ZCCHC8: variants seen among roughly 807,000 people sequenced by gnomAD.
The protein encoded by ZCCHC8 is zinc finger CCHC domain-containing protein 8.
A neutral mutation model predicts 70.6 loss-of-function variants in ZCCHC8; 27 were observed. The observed-to-expected ratio is 0.38, with a 90% CI of 0.28 to 0.53. The LOEUF (loss-of-function observed/expected upper bound fraction) is 0.53. Ranked by LOEUF, ZCCHC8 falls within the 20% of genes least tolerant of loss-of-function variation. ZCCHC8 has a pLI of 0.81. For synonymous variants in ZCCHC8, 293 were observed against 317.4 expected, an observed-to-expected ratio of 0.92 and a Z score of 0.82; for missense variants, 737 against 876.9, an observed-to-expected ratio of 0.84 and a Z score of 2.01.
chr12:122,482,123 G>A, intron 8 of ZCCHC8, 36 bp from the exon 9 acceptor site: 1 of 1,550,462 alleles, frequency 6.4e-7, no homozygotes, highest in South Asian at 1.3e-5. Flanking sequence ...ATGGTTTCAT[G>A]CAACTCAGAA....
chr12:122,480,964 A>C (rs1404283145), intron 10 of ZCCHC8: 1 of 152,324 alleles, frequency 6.6e-6, no homozygotes, highest in Non-Finnish European at 1.5e-5. Flanking sequence ...ATGTCAGCTC[A>C]TACAGATTTA....
intron 7 of ZCCHC8, 96 bp from the exon 8 acceptor site, chr12:122,482,791 CAAG>C: frequency 1.0e-6 from 1 of 988,750 alleles, no homozygotes; most frequent in Non-Finnish European, 1.5e-6. Flanking sequence ...ATCAGAGAGA[CAAG>C]AAAGCAAGTT....
At chr12:122,482,176 T>G in intron 8 of ZCCHC8, 89 bp from the exon 9 acceptor site, 2 of 1,352,110 alleles carry the variant, frequency 1.5e-6, no homozygotes, top group Non-Finnish European at 2.0e-6. Context: ...TTAGATCAAG[T>G]AAACAGATTA....
intron 13 of ZCCHC8, among the ~76,000 whole-genome samples, chr12:122,475,518 CA>C (rs1174147961): frequency 6.6e-6 from 1 of 152,214 alleles, no homozygotes; most frequent in Non-Finnish European, 1.5e-5. Context: ...ATGGCACCAC[CA>C]GTGGATCTGC....
chr12:122,498,291 C>G (rs1429370510), intron 2 of ZCCHC8, among the ~76,000 whole-genome samples: 1 of 151,756 alleles, frequency 6.6e-6, no homozygotes, highest in Non-Finnish European at 1.5e-5. Flanking sequence ...CCCACCACGT[C>G]CAGCTTATTT....
Position 122,473,718 on chromosome 12 carries a change from T to C in ZCCHC8, c.1903A>G (p.Ile635Val). ...DNGSVVPNCDISNGGSQKLFP... is the reference protein window; with the variant it reads ...DNGSVVPNCDVSNGGSQKLFP... ...AGCTTCTGGCTGCCCCCATTGCTGA[T>C]GTCACAGTTTGGTACGACACTGCCA... Residue 635 changes from isoleucine to valine, a missense_variant, in exon 14 of 14, where the codon ATC becomes GTC. Coordinates refer to ENST00000633063, the MANE Select transcript of ZCCHC8 (RefSeq NM_017612.5). 6.2e-7 allele frequency: 1 copy of C among 1,614,012 alleles called. No homozygotes were observed. Among genetic ancestry groups the C allele is most frequent in the Non-Finnish European group, 8.5e-7 (1 of 1,179,892 alleles).
Position 122,494,715 on chromosome 12 carries a change from C to T in ZCCHC8, c.243-1926G>A, listed in dbSNP as rs181528010. ...CCAAAAATACAAAAAATTAGCCAGG[C>T]GTGGCGGCACGCGCCTGTAGTCCCA... On this transcript the variant is annotated intron_variant, in intron 2 of 13. Coordinates refer to ENST00000633063, the MANE Select transcript of ZCCHC8 (RefSeq NM_017612.5). 3.5e-4 allele frequency among the ~76,000 whole-genome samples: 53 copies of T among 152,250 alleles called. No individual in the cohort carries two copies. In the East Asian group the frequency reaches 7.3e-3, roughly 21 times the overall value.
chr12:122,474,778 AGGCTG>A (rs374283863), intron 13 of ZCCHC8, among the ~76,000 whole-genome samples: 50,566 of 138,412 alleles, frequency 0.37, 10,660 homozygotes, highest in Non-Finnish European at 0.45. Context: ...TCTGCCACCC[AGGCTG>A]GAGTGCAGTG....
intron 5 of ZCCHC8, among the ~76,000 whole-genome samples, chr12:122,487,800 T>G (rs1043535667): frequency 9.9e-5 from 15 of 152,196 alleles, no homozygotes; most frequent in Admixed American, 6.5e-4. Flanking sequence ...GGGCTCTTCA[T>G]CATCCCAGTA....
chr12:122,488,503 G>C (rs1304848118), intron 5 of ZCCHC8, among the ~76,000 whole-genome samples: 1 of 151,588 alleles, frequency 6.6e-6, no homozygotes, highest in African/African-American at 2.4e-5. Context: ...ATACTAATAT[G>C]GGATAATACT....
chr12:122,494,453 C>T (rs1957795743), intron 2 of ZCCHC8, among the ~76,000 whole-genome samples: 1 of 151,340 alleles, frequency 6.6e-6, no homozygotes, highest in South Asian at 2.1e-4. Flanking sequence ...CTCAGCTACT[C>T]GGGAGGCTGA....
At chr12:122,490,656 G>T in intron 3 of ZCCHC8, 89 bp from the exon 4 acceptor site, 1 of 709,170 alleles carries the variant, frequency 1.4e-6, no homozygotes, top group Non-Finnish European at 2.2e-6. Flanking sequence ...GATTTCAAGT[G>T]TGAATGTTGT....
At chr12:122,480,473 C>CT (rs63098963) in intron 10 of ZCCHC8, 162 bp from the exon 11 acceptor site, 135,498 of 331,488 alleles carry the variant, frequency 0.41, 18,598 homozygotes, top group Admixed American at 0.44. Flanking sequence ...TAGGACAGAA[C>CT]TTTTTTTTTT....
At chr12:122,484,414 ATTT>A (rs59816817) in intron 5 of ZCCHC8, among the ~76,000 whole-genome samples, 12 of 138,790 alleles carry the variant, frequency 8.6e-5, no homozygotes, top group African/African-American at 1.4e-4. Context: ...ATACTCTTTA[ATTT>A]TTTTTTTTTT....
chr12:122,478,154 A>G (rs1957456452), intron 12 of ZCCHC8, 52 bp downstream of exon 12: 6 of 1,438,730 alleles, frequency 4.2e-6, no homozygotes, highest in Non-Finnish European at 5.8e-6. Flanking sequence ...AAATTACACA[A>G]TCTCGCAGAC....
Position 122,473,384 on chromosome 12 carries a change from T to C in ZCCHC8, c.*113A>G, listed in dbSNP as rs535995356. On this transcript the variant is annotated 3_prime_UTR_variant, in exon 14 of 14. Transcript: ENST00000633063. ...TTGACTTTGGAACATGAACCTTGGA[T>C]AGATTTTTAAACATGGGAGGGACAA... is the stretch of plus-strand genomic sequence containing the variant. The C allele has an allele frequency of 7.2e-5, 86 of 1,200,122 alleles. No homozygotes were observed. The African/African-American group carries it at 1.2e-3, about 17-fold the overall frequency. The allele number at this position is 1,200,122 out of a possible 1,614,324, so 74.3% of individuals were successfully genotyped here.
At chr12:122,492,681 T>C in intron 3 of ZCCHC8, 34 bp downstream of exon 3, 6 of 1,320,726 alleles carry the variant, frequency 4.5e-6, no homozygotes, top group Non-Finnish European at 6.4e-6. Context: ...CATAAACACA[T>C]TATTATATTT....
chr12:122,500,559 C>T lies in ZCCHC8; in HGVS notation c.199+83G>A, dbSNP rs1452360325. 2.0e-5 allele frequency: 29 copies of T among 1,436,200 alleles called. No individual in the cohort carries two copies. The highest frequency in any genetic ancestry group is 2.5e-5 in the East Asian group (1 of 40,004). The allele number at this position is 1,436,200 out of a possible 1,614,324, so 89.0% of individuals were successfully genotyped here. The stretch of plus-strand genomic sequence containing the variant: ...GAACTTCCGCCCGCGCCCTCGCCCT[C>T]GCCCGGCGCTGCCCCGGCCCCACGC... On this transcript the variant is annotated intron_variant, in intron 1 of 13. Coordinates refer to ENST00000633063, the MANE Select transcript of ZCCHC8 (RefSeq NM_017612.5). This position sits in a 1 kb window ranked among gnomAD's most constrained non-coding sequence, Gnocchi z 4.8.
At chr12:122,481,922 C>T in intron 9 of ZCCHC8, 23 bp downstream of exon 9, 1 of 1,604,498 alleles carries the variant, frequency 6.2e-7, no homozygotes, top group Non-Finnish European at 8.5e-7. Flanking sequence ...AAATGACCTT[C>T]TATGGTAAAA....
Sources: allele counts gnomAD v4.1 joint callset (sites outside exome capture counted in the v4.1 genomes callset), GRCh38; gene constraint gnomAD v4.1.1; non-coding constraint Gnocchi (gnomAD v3.1); transcripts MANE v1.5; gene names NCBI Gene and HGNC (gene_info 2026-07-23, HGNC 2026-07-21).